Variants in RASA2 observed in about 807,000 individuals in gnomAD.
RASA2 encodes the protein RAS p21 protein activator 2, also known as ras GTPase-activating protein 2.
Under a neutral mutation model 118.2 loss-of-function variants are expected in RASA2, and 155 were observed. The ratio of observed to expected loss-of-function variants is 1.31; its 90% CI spans 1.15 to 1.50. The LOEUF (loss-of-function observed/expected upper bound fraction) is 1.50. RASA2 is among the 40% of genes most tolerant of loss of function. The probability of loss-of-function intolerance (pLI) is 0.00; values close to 1 mark genes in which losing one functional copy is unlikely to be tolerated. For missense variants in RASA2, 1,016 were observed against 1,009.6 expected, an observed-to-expected ratio of 1.01 and a Z score of -0.09; for synonymous variants, 353 against 349.1, an observed-to-expected ratio of 1.01 and a Z score of -0.12.
At chr3:141,562,663 A>AC (rs1419368227) in intron 9 of RASA2, among the ~76,000 whole-genome samples, 14 of 148,858 alleles carry the variant, frequency 9.4e-5, no homozygotes, top group African/African-American at 1.5e-4. Flanking sequence ...ACAAAAAAAA[A>AC]CCAGAAATAA....
chr3:141,574,480 A>G (rs1170698760), intron 14 of RASA2, among the ~76,000 whole-genome samples: 4 of 152,102 alleles, frequency 2.6e-5, no homozygotes, highest in African/African-American at 4.8e-5. Context: ...GTGAGCCACC[A>G]CGCCCAGCCT....
chr3:141,586,199 C>T, intron 18 of RASA2, 101 bp downstream of exon 18: 1 of 1,169,932 alleles, frequency 8.5e-7, no homozygotes, highest in South Asian at 1.5e-5. Flanking sequence ...GCTTTGTGTG[C>T]TGTGTTAGAA....
chr3:141,566,725 A>C (rs1045161720), intron 9 of RASA2, among the ~76,000 whole-genome samples: 1 of 152,204 alleles, frequency 6.6e-6, no homozygotes, highest in Non-Finnish European at 1.5e-5. Flanking sequence ...ATTAAAAAAA[A>C]ATCAGTGTAT....
At chr3:141,594,374 G>T (rs886989995) in intron 19 of RASA2, among the ~76,000 whole-genome samples, 2 of 149,800 alleles carry the variant, frequency 1.3e-5, no homozygotes, top group African/African-American at 2.5e-5. Context: ...ATTTTTTTTT[G>T]AAGAAATAAT....
intron 1 of RASA2, among the ~76,000 whole-genome samples, chr3:141,492,093 G>A (rs1020911874): frequency 1.3e-5 from 2 of 152,224 alleles, no homozygotes; most frequent in Admixed American, 6.5e-5. Flanking sequence ...AGTTCACAGA[G>A]CAGTCTGCTA....
At chr3:141,603,945 CTT>C (rs1240074923) in intron 19 of RASA2, among the ~76,000 whole-genome samples, 1 of 152,184 alleles carries the variant, frequency 6.6e-6, no homozygotes, top group African/African-American at 2.4e-5. Flanking sequence ...ATCATATTCT[CTT>C]TTACAGATAA....
intron 1 of RASA2, among the ~76,000 whole-genome samples, chr3:141,493,297 TGTGAA>T (rs2081660721): frequency 6.6e-6 from 1 of 152,224 alleles, no homozygotes; most frequent in South Asian, 2.1e-4. Context: ...TTAAGAACTT[TGTGAA>T]GTGGTTAGGA....
chr3:141,540,631 A>G (rs768796190), intron 5 of RASA2, 22 bp downstream of exon 5: 4 of 1,561,902 alleles, frequency 2.6e-6, no homozygotes, highest in South Asian at 1.1e-5. Flanking sequence ...TTTTAACCAA[A>G]ATCAACTAGA....
intron 4 of RASA2, among the ~76,000 whole-genome samples, chr3:141,537,040 C>T (rs562187493): frequency 7.9e-5 from 12 of 152,250 alleles, no homozygotes; most frequent in Admixed American, 5.9e-4. Flanking sequence ...AGCCACTGCG[C>T]CCAGCCTCCT....
chr3:141,567,332 C>T (rs987519658), intron 9 of RASA2, among the ~76,000 whole-genome samples: 1 of 152,096 alleles, frequency 6.6e-6, no homozygotes, highest in African/African-American at 2.4e-5. Context: ...GGGAGAATCG[C>T]TTGAACCCGG....
intron 1 of RASA2, among the ~76,000 whole-genome samples, chr3:141,508,702 A>C (rs1165996489): frequency 2.0e-5 from 3 of 152,188 alleles, no homozygotes; most frequent in Admixed American, 6.5e-5. Context: ...AAGGTTCTAA[A>C]CAAGAAGTAG....
intron 1 of RASA2, among the ~76,000 whole-genome samples, chr3:141,493,407 A>T (rs1200990797): frequency 6.6e-6 from 1 of 152,068 alleles, no homozygotes; most frequent in Non-Finnish European, 1.5e-5. Context: ...TTCAGTTCTG[A>T]CTGTCTGTCA....
rs577596732 is a variant in RASA2, at chr3:141,510,325, G to T, written c.134-1838G>T. On this transcript the variant is annotated intron_variant, in intron 1 of 23. Coordinates refer to ENST00000286364, the MANE Select transcript of RASA2 (RefSeq NM_006506.5). ...TAAGGGAACTAGTGTACTGATTTCA[G>T]CGCCCATACTTGTGTATGTCCTTTG... Among the ~76,000 whole-genome samples, 621 of 152,224 alleles carry T rather than the reference G, an allele frequency of 4.1e-3. 6 individuals are homozygous for T. The highest frequency in any genetic ancestry group is 0.014 in the African/African-American group (593 of 41,518).
At chr3:141,553,763 TA>T in intron 5 of RASA2, 93 bp from the exon 6 acceptor site, 1 of 1,515,206 alleles carries the variant, frequency 6.6e-7, no homozygotes, top group South Asian at 1.3e-5. Flanking sequence ...AAACAATTCT[TA>T]ACCTTTTGAA....
intron 5 of RASA2, among the ~76,000 whole-genome samples, chr3:141,541,801 AATATAAACC>A (rs59852260): frequency 0.012 from 1,871 of 151,698 alleles, 43 homozygotes; most frequent in African/African-American, 0.042. Flanking sequence ...ATTTTTTAAG[AATATAAACC>A]AGTTTTTTTT....
At chr3:141,487,327 G>A (rs1204124759) in intron 1 of RASA2, 111 bp downstream of exon 1, 10 of 1,165,892 alleles carry the variant, frequency 8.6e-6, no homozygotes, top group Non-Finnish European at 1.1e-5. Context: ...TCGCGGGCCC[G>A]GGAGGGGGCC....
intron 5 of RASA2, among the ~76,000 whole-genome samples, chr3:141,541,252 CAGTT>C (rs2082401145): frequency 6.6e-6 from 1 of 152,128 alleles, no homozygotes; most frequent in African/African-American, 2.4e-5. Context: ...ACAGCCTTCT[CAGTT>C]AGAGGCTTTG....
At chr3:141,567,313 G>A (rs772888422) in intron 9 of RASA2, among the ~76,000 whole-genome samples, 5 of 152,110 alleles carry the variant, frequency 3.3e-5, no homozygotes, top group Non-Finnish European at 7.4e-5. Context: ...CTACTCGGGA[G>A]GCTGAGGCGG....
At chr3:141,502,354 C>T (rs1302852928) in intron 1 of RASA2, among the ~76,000 whole-genome samples, 3 of 152,060 alleles carry the variant, frequency 2.0e-5, no homozygotes, top group Non-Finnish European at 4.4e-5. Context: ...AAGTATGAAC[C>T]ACACAGAAAC....
Sources: gnomAD v4.1 joint callset for allele counts (sites outside exome capture counted in the v4.1 genomes callset) on GRCh38, gnomAD v4.1.1 for gene constraint, MANE v1.5 for transcripts, NCBI Gene and HGNC (gene_info 2026-07-23, HGNC 2026-07-21) for gene names.